The following KCNT1 variants were observed in gnomAD, a reference collection of about 807,000 sequenced individuals.
KCNT1 encodes the protein potassium channel subfamily T member 1.
KCNT1 carries 78 observed loss-of-function variants against 147.8 expected under a neutral mutation model. The ratio of observed to expected loss-of-function variants is 0.53; its 90% confidence interval spans 0.44 to 0.64. The LOEUF (loss-of-function observed/expected upper bound fraction) is 0.64. KCNT1 is among the 30% of genes least tolerant of loss of function. The pLI, the probability that KCNT1 is intolerant of heterozygous loss-of-function variation, is 0.00. For missense variants in KCNT1, 1,419 were observed against 1,750.3 expected (o/e 0.81, Z 3.38); for synonymous variants, 867 against 748.8 (o/e 1.16, Z -2.58).
intron 5 of KCNT1, 28 bp from the exon 6 acceptor site, chr9:135,755,093 T>A: frequency 6.3e-7 from 1 of 1,596,510 alleles, no homozygotes; most frequent in East Asian, 2.2e-5. Context: ...TGTGGTGCCC[T>A]ACTGTGCTGC....
intron 29 of KCNT1, among the ~76,000 whole-genome samples, chr9:135,787,939 G>A (rs999866361): frequency 6.6e-5 from 10 of 152,228 alleles, no homozygotes; most frequent in Non-Finnish European, 1.5e-5. Flanking sequence ...AGCTTGGCAA[G>A]GAAGGAGCAA....
intron 2 of KCNT1, among the ~76,000 whole-genome samples, chr9:135,746,360 T>C (rs1383046619): frequency 6.6e-6 from 1 of 152,066 alleles, no homozygotes; most frequent in African/African-American, 2.4e-5. Flanking sequence ...GCTCTCTCCC[T>C]AAGGGGGGCT....
chr9:135,768,347 G>T (rs185472149), intron 13 of KCNT1: 2 of 51,380 alleles, frequency 3.9e-5, no homozygotes, highest in East Asian at 1.7e-4. Flanking sequence ...TGTGGGTTGG[G>T]GGGGGGGGGG....
At chr9:135,769,229 ACGTGTGTGTCGGTGTGTCTGGGG>A (rs1340735686) in intron 15 of KCNT1, among the ~76,000 whole-genome samples, 1 of 138,526 alleles carries the variant, frequency 7.2e-6, no homozygotes, top group Non-Finnish European at 1.5e-5. Flanking sequence ...GCACGTGTGC[ACGTGTGTGTCGGTGTGTCTGGGG>A]CAGGGCGCGT....
intron 2 of KCNT1, among the ~76,000 whole-genome samples, chr9:135,746,245 G>A (rs922601558): frequency 3.3e-5 from 5 of 152,186 alleles, no homozygotes; most frequent in Admixed American, 1.3e-4. Flanking sequence ...CTGCCTCCAC[G>A]TGGAGGGTGC....
At chr9:135,760,077 G>A (rs998689138) in intron 11 of KCNT1, among the ~76,000 whole-genome samples, 3 of 152,252 alleles carry the variant, frequency 2.0e-5, no homozygotes, top group South Asian at 2.1e-4. Context: ...ATGGAGTCCC[G>A]TGAGCTGGCC....
chr9:135,732,175 C>T (rs1348126854), intron 2 of KCNT1, among the ~76,000 whole-genome samples: 1 of 151,612 alleles, frequency 6.6e-6, no homozygotes, highest in African/African-American at 2.4e-5. Flanking sequence ...CCCACCACCA[C>T]GTCCAGCTAA....
intron 19 of KCNT1, among the ~76,000 whole-genome samples, chr9:135,773,779 G>C (rs1277231973): frequency 1.3e-5 from 2 of 152,246 alleles, no homozygotes; most frequent in African/African-American, 2.4e-5. Context: ...ACCATTGCAT[G>C]TGTGTGTTGG....
chr9:135,748,608 G>A (rs569131068), intron 2 of KCNT1, among the ~76,000 whole-genome samples: 4 of 152,308 alleles, frequency 2.6e-5, no homozygotes, highest in Non-Finnish European at 5.9e-5. Context: ...CAGGGGTTAG[G>A]CTGGTGCTTA....
intron 1 of KCNT1, among the ~76,000 whole-genome samples, chr9:135,706,372 T>G (rs1373257737): frequency 6.6e-6 from 1 of 152,220 alleles, no homozygotes; most frequent in African/African-American, 2.4e-5. Context: ...AGTCAAAAGA[T>G]TCCCACAGTG....
Position 135,740,189 on chromosome 9 carries a change from A to G in KCNT1, c.255-9909A>G, listed in dbSNP as rs191126600. On this transcript the variant is annotated intron_variant, in intron 2 of 30. Coordinates refer to ENST00000371757, the MANE Select transcript of KCNT1 (RefSeq NM_020822.3). ...AAAGGCCTCGTCTCCAAACATAGCC[A>G]CGTGCTGAGATACTGGGGGTCAGGA... Among the ~76,000 whole-genome samples, 186 of 152,266 alleles carry G rather than the reference A, an allele frequency of 1.2e-3. 1 individual carries two copies. Among genetic ancestry groups the G allele is most frequent in the Admixed American group, 4.5e-3 (69 of 15,298 alleles).
At chr9:135,785,475 T>G (rs973796509) in intron 28 of KCNT1, 145 bp downstream of exon 28, 4 of 1,008,702 alleles carry the variant, frequency 4.0e-6, no homozygotes, top group Non-Finnish European at 5.9e-6. Context: ...CACGGATGTG[T>G]CGGCCCCAGC....
chr9:135,768,379 A>C, intron 13 of KCNT1: 1 of 178,134 alleles, frequency 5.6e-6, no homozygotes, highest in East Asian at 1.1e-4. Context: ...ATGCCCACTG[A>C]GGGGGCACTG....
rs992081932 is a variant in KCNT1, at chr9:135,714,108, T to A, written c.111-469T>A. On this transcript the variant is annotated intron_variant, in intron 1 of 30. Transcript: ENST00000371757. This position sits in a 1 kb window ranked among gnomAD's most constrained non-coding sequence, Gnocchi z 6.2. Reference sequence around the variant, plus strand: ...GGTCTGAGACGGGGGTCTCTGGGGCTGGACCCTGAAGGAAGATTGAGCAGC... The same window carrying A: ...GGTCTGAGACGGGGGTCTCTGGGGCAGGACCCTGAAGGAAGATTGAGCAGC... Among the ~76,000 whole-genome samples the A allele has an allele frequency of 2.7e-5, 4 of 149,704 alleles. No homozygotes were observed. Among genetic ancestry groups the A allele is most frequent in the Non-Finnish European group, 4.4e-5 (3 of 67,586 alleles).
At chr9:135,762,985 C>T (rs1428546724) in intron 11 of KCNT1, among the ~76,000 whole-genome samples, 2 of 152,252 alleles carry the variant, frequency 1.3e-5, no homozygotes, top group Admixed American at 6.5e-5. Context: ...TCAGATCAGC[C>T]ACTGCCTGAC....
At chr9:135,781,781 C>T (rs559559680) in intron 24 of KCNT1, among the ~76,000 whole-genome samples, 3 of 152,168 alleles carry the variant, frequency 2.0e-5, no homozygotes, top group Non-Finnish European at 2.9e-5. Flanking sequence ...ATGGCATACA[C>T]GACCGTCAGT....
intron 24 of KCNT1, among the ~76,000 whole-genome samples, chr9:135,783,004 T>C (rs932823044): frequency 1.3e-5 from 2 of 152,222 alleles, no homozygotes; most frequent in African/African-American, 2.4e-5. Context: ...CTTTTACCTG[T>C]GAATCGAGTT....
chr9:135,770,829 A>G (rs1401572444), intron 17 of KCNT1, 28 bp from the exon 18 acceptor site: 3 of 1,540,988 alleles, frequency 1.9e-6, no homozygotes, highest in Non-Finnish European at 2.6e-6. Flanking sequence ...GAGCGGCGGT[A>G]CCTGAAGTTG....
intron 27 of KCNT1, 73 bp downstream of exon 27, chr9:135,784,962 G>T (rs945605905): frequency 1.3e-5 from 21 of 1,566,810 alleles, no homozygotes; most frequent in African/African-American, 2.7e-5. Context: ...CCCACCTTCC[G>T]GGGGCTGGGA....
Sources: gnomAD v4.1 joint callset for allele counts (sites outside exome capture counted in the v4.1 genomes callset) on GRCh38, gnomAD v4.1.1 for gene constraint, Gnocchi (gnomAD v3.1) non-coding constraint, MANE v1.5 for transcripts, NCBI Gene and HGNC (gene_info 2026-07-23, HGNC 2026-07-21) for gene names.